MITF: variants seen among roughly 807,000 people sequenced by gnomAD.
The protein encoded by MITF is melanocyte inducing transcription factor.
In MITF, 17 loss-of-function variants were observed where a neutral mutation model predicts 60.5. That is an observed-to-expected ratio of 0.28 (90% CI 0.19 to 0.42). MITF has a LOEUF of 0.42. Among genes scored for constraint, MITF ranks in the 10% least tolerant of loss-of-function variants. MITF has a pLI of 1.00. For synonymous variants in MITF, 260 were observed against 248.5 expected, an observed-to-expected ratio of 1.05 and a Z score of -0.43; for missense variants, 622 against 683.5, an observed-to-expected ratio of 0.91 and a Z score of 1.00.
At chr3:69,914,666 G>A (rs1355237534) in intron 2 of MITF, among the ~76,000 whole-genome samples, 1 of 152,136 alleles carries the variant, frequency 6.6e-6, no homozygotes, top group African/African-American at 2.4e-5. Context: ...GGTGTTGGAT[G>A]AGTAAGTACT....
At chr3:69,775,890 A>G (rs2062465811) in intron 1 of MITF, among the ~76,000 whole-genome samples, 2 of 152,236 alleles carry the variant, frequency 1.3e-5, no homozygotes. Flanking sequence ...AATTGTTCAT[A>G]TCAAAAGATG....
At chr3:69,837,506 G>A (rs1331335118) in intron 1 of MITF, among the ~76,000 whole-genome samples, 1 of 152,134 alleles carries the variant, frequency 6.6e-6, no homozygotes, top group Non-Finnish European at 1.5e-5. Context: ...GATTTTATAG[G>A]TGACTTAAAT....
At position 69,951,926 on chromosome 3, in the gene MITF, A is replaced by T. The variant is rs780050293; in HGVS notation, c.955+40A>T. The T allele has an allele frequency of 1.2e-4, 168 of 1,408,122 alleles. 1 individual carries two copies. The highest frequency in any genetic ancestry group is 2.3e-5 in the Non-Finnish European group (23 of 995,256). The allele number at this position is 1,408,122 out of a possible 1,614,324, so 87.2% of individuals were successfully genotyped here. A position where few individuals can be genotyped will look rare whatever the true frequency, so the allele number is the denominator to read the frequency against. ...TTTATGTTCATGACATTTGATATTA[A>T]TGTTCCCCATATATCAAAAATGTTT... On this transcript the variant is annotated intron_variant, in intron 7 of 9. Coordinates refer to ENST00000352241, the MANE Select transcript of MITF (RefSeq NM_001354604.2).
rs957700144 is a variant in MITF, at chr3:69,965,573, T to G, written c.*325T>G. ...TGTCCATTTTTATTCAGGGGAAACT[T>G]GATTTGAGATTTTTATGCCTGTGAC... On this transcript the variant is annotated 3_prime_UTR_variant, in exon 10 of 10. Transcript: ENST00000352241. 3.8e-6 allele frequency: 1 copy of G among 263,120 alleles called. No individual in the cohort carries two copies. Among genetic ancestry groups the G allele is most frequent in the Admixed American group, 4.9e-5 (1 of 20,574 alleles). 16.3% of individuals were successfully genotyped at this position (263,120 alleles called of 1,614,324 possible). A position where few individuals can be genotyped will look rare whatever the true frequency, so the allele number is the denominator to read the frequency against.
intron 1 of MITF, among the ~76,000 whole-genome samples, chr3:69,785,950 T>A (rs1435882310): frequency 6.6e-6 from 1 of 152,106 alleles, no homozygotes; most frequent in African/African-American, 2.4e-5. Flanking sequence ...AGTTCAAAGG[T>A]CACCTGGGTA....
At chr3:69,780,045 A>C (rs891089505) in intron 1 of MITF, among the ~76,000 whole-genome samples, 2 of 152,192 alleles carry the variant, frequency 1.3e-5, no homozygotes, top group African/African-American at 2.4e-5. Context: ...TGATAAGAGA[A>C]GCTGATGCTC....
chr3:69,956,772 G>A (rs1025395734), intron 8 of MITF, among the ~76,000 whole-genome samples: 2 of 152,140 alleles, frequency 1.3e-5, no homozygotes, highest in Admixed American at 1.3e-4. Context: ...GTTGTGAGGA[G>A]GTGGCTTTCT....
At chr3:69,785,910 G>A (rs1240581644) in intron 1 of MITF, among the ~76,000 whole-genome samples, 3 of 152,174 alleles carry the variant, frequency 2.0e-5, no homozygotes, top group African/African-American at 7.2e-5. Flanking sequence ...GAAGGAGGAA[G>A]AGGGATATGA....
chr3:69,782,475 T>A (rs911336664), intron 1 of MITF, among the ~76,000 whole-genome samples: 1 of 152,222 alleles, frequency 6.6e-6, no homozygotes, highest in African/African-American at 2.4e-5. Flanking sequence ...TATTCTTCCA[T>A]TTAATTGATG....
At chr3:69,805,546 C>T (rs1399258361) in intron 1 of MITF, among the ~76,000 whole-genome samples, 18 of 152,122 alleles carry the variant, frequency 1.2e-4, no homozygotes, top group South Asian at 4.2e-4. Context: ...TTATCTTTTC[C>T]GCTGTATATT....
chr3:69,949,242 G>A (rs940025694), intron 6 of MITF, 74 bp downstream of exon 6: 7 of 1,153,554 alleles, frequency 6.1e-6, no homozygotes, highest in East Asian at 2.3e-5. Context: ...TATTGATATA[G>A]TGATGTGCAA....
At chr3:69,792,116 A>G (rs1047036121) in intron 1 of MITF, among the ~76,000 whole-genome samples, 8 of 152,228 alleles carry the variant, frequency 5.3e-5, no homozygotes, top group African/African-American at 1.9e-4. Flanking sequence ...AGATATGACT[A>G]GTTGATTCCA....
chr3:69,892,976 G>A (rs2064793082), intron 2 of MITF, among the ~76,000 whole-genome samples: 3 of 152,116 alleles, frequency 2.0e-5, no homozygotes, highest in Non-Finnish European at 4.4e-5. Context: ...TAAAACAAAC[G>A]GTCATTTTAA....
chr3:69,796,729 A>G (rs1305765700), intron 1 of MITF, among the ~76,000 whole-genome samples: 1 of 151,370 alleles, frequency 6.6e-6, no homozygotes, highest in Non-Finnish European at 1.5e-5. Flanking sequence ...GATGGTCTCG[A>G]TCTCCTGACC....
chr3:69,780,762 A>C (rs929319867), intron 1 of MITF, among the ~76,000 whole-genome samples: 7 of 152,244 alleles, frequency 4.6e-5, no homozygotes, highest in African/African-American at 1.7e-4. Context: ...TTGTTTCAAC[A>C]GGGAATAAAT....
rs2066730127 is a variant in MITF at position 69,967,902 on chromosome 3, C to G, written c.*2654C>G. The G allele has an allele frequency of 4.3e-6, 1 of 233,378 alleles. No homozygotes were observed. The highest frequency in any genetic ancestry group is 8.5e-6 in the Non-Finnish European group (1 of 117,954). 14.5% of individuals were successfully genotyped at this position (233,378 alleles called of 1,614,324 possible). On this transcript the variant is annotated 3_prime_UTR_variant, in exon 10 of 10. Transcript: ENST00000352241. ...TGACCAAAATGCCAAAATTGTCCATCTGCCTCTGAGTAGGGCAATGGAAAT... is the reference window on the plus strand; with the variant it reads ...TGACCAAAATGCCAAAATTGTCCATGTGCCTCTGAGTAGGGCAATGGAAAT...
intron 1 of MITF, among the ~76,000 whole-genome samples, chr3:69,773,627 G>A (rs945210235): frequency 2.6e-5 from 4 of 152,130 alleles, no homozygotes; most frequent in Non-Finnish European, 5.9e-5. Context: ...AGTATTTCAT[G>A]TGTATGGCTG....
At chr3:69,796,674 T>G in intron 1 of MITF, among the ~76,000 whole-genome samples, 1 of 151,486 alleles carries the variant, frequency 6.6e-6, no homozygotes, top group Admixed American at 6.6e-5. Context: ...GCCCGGCTAA[T>G]TTTTTGTATT....
chr3:69,746,512 T>TTG (rs376737404), intron 1 of MITF, among the ~76,000 whole-genome samples: 1 of 152,108 alleles, frequency 6.6e-6, no homozygotes, highest in African/African-American at 2.4e-5. Flanking sequence ...TTCATTTTTT[T>TTG]TGTGTGTGTG....
Sources: gnomAD v4.1 joint callset for allele counts (sites outside exome capture counted in the v4.1 genomes callset) on GRCh38, gnomAD v4.1.1 for gene constraint, MANE v1.5 for transcripts, NCBI Gene and HGNC (gene_info 2026-07-23, HGNC 2026-07-21) for gene names.